NPHP4: variants seen among roughly 807,000 people sequenced by gnomAD.
NPHP4 encodes nephrocystin 4, also known as nephrocystin-4.
Under a neutral mutation model 155.8 loss-of-function variants are expected in NPHP4, and 151 were observed. The ratio of observed to expected loss-of-function variants is 0.97; its 90% CI spans 0.85 to 1.11. NPHP4 has a LOEUF of 1.11. Among genes scored for constraint, NPHP4 ranks in the 50% least tolerant of loss-of-function variants. The pLI is 0.00. For missense variants in NPHP4, 1,956 were observed against 1,925.7 expected (o/e 1.02, Z -0.29); for synonymous variants, 845 against 816.8 (o/e 1.03, Z -0.59).
At chr1:5,896,367 T>G (rs1249840433) in intron 16 of NPHP4, among the ~76,000 whole-genome samples, 1 of 152,218 alleles carries the variant, frequency 6.6e-6, no homozygotes, top group Non-Finnish European at 1.5e-5. Flanking sequence ...AAGAATTATT[T>G]TGAGGGCTTT....
chr1:5,992,155 A>C (rs1168344218), intron 1 of NPHP4, 89 bp downstream of exon 1: 1 of 152,092 alleles, frequency 6.6e-6, no homozygotes, highest in East Asian at 1.9e-4. Flanking sequence ...GGCTCTGGCC[A>C]ACACTGAGGC....
At chr1:5,893,406 G>A (rs1015302012) in intron 16 of NPHP4, among the ~76,000 whole-genome samples, 1 of 152,218 alleles carries the variant, frequency 6.6e-6, no homozygotes, top group Non-Finnish European at 1.5e-5. Context: ...GTAAGGTCAC[G>A]CGGGTCACGT....
intron 17 of NPHP4, chr1:5,888,249 G>A (rs538253450): frequency 2.2e-5 from 18 of 800,068 alleles, no homozygotes; most frequent in South Asian, 5.7e-5. Context: ...CACTCTGCCC[G>A]AACGCCAACA....
intron 22 of NPHP4, 147 bp downstream of exon 22, chr1:5,874,322 CTT>C: frequency 1.4e-6 from 1 of 738,206 alleles, no homozygotes; most frequent in South Asian, 2.2e-5. Context: ...TGCCAGGGCT[CTT>C]GTTGAGCACC....
rs1321892407 is a variant in NPHP4, at chr1:5,890,838, A to G, written c.2304+30T>C. The G allele has an allele frequency of 6.3e-7, 1 of 1,593,660 alleles. No individual in the cohort carries two copies. Among genetic ancestry groups the G allele is most frequent in the Admixed American group, 1.7e-5 (1 of 59,072 alleles). On this transcript the variant is annotated intron_variant, in intron 17 of 29. Coordinates refer to ENST00000378156, the MANE Select transcript of NPHP4 (RefSeq NM_015102.5). The surrounding 1 kb of genome is among the most constrained non-coding windows in gnomAD (Gnocchi z 4.9). ...TCGTCCCATGAGGGACGCAGCACCC[A>G]CTGTGCCTGTCCTTCCAGAGAGCCG...
chr1:5,975,474 C>T (rs1022937914), intron 3 of NPHP4, among the ~76,000 whole-genome samples: 9 of 152,292 alleles, frequency 5.9e-5, no homozygotes, highest in Middle Eastern at 3.4e-3. Flanking sequence ...GTCCTTGCTG[C>T]ATTCCCTTCT....
rs1351218199 is a variant in NPHP4 at position 5,867,056 on chromosome 1, T to C, written c.3532A>G (p.Asn1178Asp). 2 of 1,613,144 alleles carry C rather than the reference T, an allele frequency of 1.2e-6. No homozygotes were observed. Among genetic ancestry groups the C allele is most frequent in the Non-Finnish European group, 1.7e-6 (2 of 1,179,572 alleles). The stretch of plus-strand genomic sequence containing the variant: ...ACATTCTGGGTCTCACAGATGACGT[T>C]CGGGTCGCTGCAGCGAACATGGACT... ...PPVHVRCSDP[N>D]VICETQNVGP... The change falls in exon 25 of 30, where the codon AAC becomes GAC. Residue 1178 changes from asparagine (N) to aspartate (D), a missense_variant. By Grantham distance (23) the Asn-to-Asp change is conservative. Coordinates refer to ENST00000378156, the MANE Select transcript of NPHP4 (RefSeq NM_015102.5). The surrounding 1 kb of genome is among the most constrained non-coding windows in gnomAD (Gnocchi z 4.1).
chr1:5,905,470 G>A lies in NPHP4; in HGVS notation c.1777C>T (p.Pro593Ser). 6.2e-7 allele frequency: 1 copy of A among 1,604,736 alleles called. No individual in the cohort carries two copies. Among genetic ancestry groups the A allele is most frequent in the Non-Finnish European group, 8.5e-7 (1 of 1,172,566 alleles). Residue 593 changes from proline to serine, a missense_variant, in exon 15 of 30, where the codon CCC (proline) becomes TCC (serine). Pro to Ser is a moderately conservative substitution (Grantham distance 74). Coordinates refer to ENST00000378156, the MANE Select transcript of NPHP4 (RefSeq NM_015102.5). This position sits in a 1 kb window ranked among gnomAD's most constrained non-coding sequence, Gnocchi z 4.0. ...GTQTRSSAGQPSRASMVLLQS... is the reference protein window; with the variant it reads ...GTQTRSSAGQSSRASMVLLQS... ...AGGAGCACCATGGAGGCTCTCGAGG[G>A]CTGCCCTGCAGAGCTGAGACACAGA...
chr1:5,964,146 A>T (rs560332774), intron 5 of NPHP4, among the ~76,000 whole-genome samples: 2 of 152,386 alleles, frequency 1.3e-5, no homozygotes, highest in Admixed American at 6.5e-5. Context: ...AAGGGAAGAA[A>T]GCAAGGTGTG....
Position 5,877,143 on chromosome 1 carries a change from G to C in NPHP4, c.2767C>G (p.Arg923Gly). 6.3e-7 allele frequency: 1 copy of C among 1,598,232 alleles called. No individual in the cohort carries two copies. The highest frequency in any genetic ancestry group is 8.6e-7 in the Non-Finnish European group (1 of 1,168,524). ...RRKLERMRSV[R>G]LQEAGGDLGR... ...AAGTCTCCCCCGGCCTCCTGCAGGC[G>C]CACAGACCTCATCCGCTCCAGCTTA... The change falls in exon 20 of 30, where the codon CGC (arginine) becomes GGC (glycine). Residue 923 changes from arginine to glycine, a missense_variant. Coordinates refer to ENST00000378156, the MANE Select transcript of NPHP4 (RefSeq NM_015102.5).
chr1:5,955,560 A>G (rs1011520611), intron 6 of NPHP4, among the ~76,000 whole-genome samples: 1 of 152,286 alleles, frequency 6.6e-6, no homozygotes. Context: ...AACCACGATC[A>G]AAGAATGAAG....
At chr1:5,924,076 A>C (rs1357684630) in intron 11 of NPHP4, among the ~76,000 whole-genome samples, 1 of 152,240 alleles carries the variant, frequency 6.6e-6, no homozygotes, top group East Asian at 1.9e-4. Flanking sequence ...TAGAGATGAA[A>C]ACTATAATAT....
intron 3 of NPHP4, among the ~76,000 whole-genome samples, chr1:5,977,098 G>A (rs1007730631): frequency 2.6e-5 from 4 of 152,018 alleles, no homozygotes; most frequent in African/African-American, 4.8e-5. Context: ...CACACCCGTC[G>A]TGCTCAGACA....
rs1640796417 is a variant in NPHP4 at position 5,862,942 on chromosome 1, G to A, written c.*323C>T. The A allele has an allele frequency of 2.8e-6, 1 of 362,672 alleles. No individual in the cohort carries two copies. Among genetic ancestry groups the A allele is most frequent in the African/African-American group, 2.0e-5 (1 of 49,458 alleles). 22.5% of individuals were successfully genotyped at this position (362,672 alleles called of 1,614,324 possible). Reference sequence around the variant, plus strand: ...AAGAAAAACATAATTTTCTCATTTAGGATGATTCATAAAATACATTTTGAG... The same window carrying A: ...AAGAAAAACATAATTTTCTCATTTAAGATGATTCATAAAATACATTTTGAG... On this transcript the variant is annotated 3_prime_UTR_variant, in exon 30 of 30. Coordinates refer to ENST00000378156, the MANE Select transcript of NPHP4 (RefSeq NM_015102.5).
chr1:5,967,855 C>T (rs1651819067), intron 4 of NPHP4, among the ~76,000 whole-genome samples: 2 of 152,036 alleles, frequency 1.3e-5, no homozygotes, highest in South Asian at 4.1e-4. Context: ...GCACAGACGA[C>T]AGCCCCGCGA....
intron 23 of NPHP4, among the ~76,000 whole-genome samples, chr1:5,871,641 G>C (rs1404126258): frequency 6.6e-6 from 1 of 152,234 alleles, no homozygotes; most frequent in Non-Finnish European, 1.5e-5. Flanking sequence ...GAGTGAGGGA[G>C]ACACGGGTGA....
chr1:5,889,269 AAAGT>A lies in NPHP4; in HGVS notation c.2304+1595_2304+1598del, dbSNP rs1197567344. On this transcript the variant is annotated intron_variant, in intron 17 of 29. Coordinates refer to ENST00000378156, the MANE Select transcript of NPHP4 (RefSeq NM_015102.5). The surrounding 1 kb of genome is among the most constrained non-coding windows in gnomAD (Gnocchi z 4.2). ...AGATGAAAGCTGGCCCCGCCTGCAGAAAGTAAGTCCACCAAAGGCTAACCGGAGC... is the reference window on the plus strand; with the variant it reads ...AGATGAAAGCTGGCCCCGCCTGCAGAAAGTCCACCAAAGGCTAACCGGAGC... Among the ~76,000 whole-genome samples, 10 of 152,240 alleles carry A rather than the reference AAAGT, an allele frequency of 6.6e-5. No homozygotes were observed. The highest frequency in any genetic ancestry group is 4.6e-4 in the Admixed American group (7 of 15,288).
At position 5,873,299 on chromosome 1, in the gene NPHP4, C is replaced by T. The variant is rs573269001; in HGVS notation, c.3268G>A (p.Ala1090Thr). The T allele has an allele frequency of 1.5e-5, 24 of 1,613,838 alleles. No homozygotes were observed. Among genetic ancestry groups the T allele is most frequent in the African/African-American group, 2.7e-5 (2 of 74,926 alleles). The part of the protein sequence containing the change: ...PGLSNEKGMD[A>T]VSPWKSSAVP... ...GCGCTGGACTTCCAAGGTGACACGG[C>T]GTCCATGCCCTTCTCGTTGCTCAAC... Residue 1090 changes from alanine (A) to threonine (T), a missense_variant, in exon 23 of 30, where the codon GCC becomes ACC. Physicochemically the swap from Ala to Thr is moderately conservative, Grantham distance 58. Transcript: ENST00000378156.
chr1:5,977,588 C>T (rs574369796), intron 3 of NPHP4, among the ~76,000 whole-genome samples: 1 of 151,860 alleles, frequency 6.6e-6, no homozygotes, highest in African/African-American at 2.4e-5. Flanking sequence ...GCCATCATCA[C>T]CCTGAGCCTA....
Sources: allele counts gnomAD v4.1 joint callset (sites outside exome capture counted in the v4.1 genomes callset), GRCh38; gene constraint gnomAD v4.1.1; non-coding constraint Gnocchi (gnomAD v3.1); transcripts MANE v1.5; gene names NCBI Gene and HGNC (gene_info 2026-07-23, HGNC 2026-07-21).